Variants in ADCY2 observed in about 807,000 individuals in gnomAD.
ADCY2 encodes the protein adenylate cyclase type 2.
In ADCY2, 31 loss-of-function variants were observed where a neutral mutation model predicts 125.2. The observed-to-expected ratio is 0.25, with a 90% CI of 0.19 to 0.33. The LOEUF (loss-of-function observed/expected upper bound fraction) is 0.33. Among genes scored for constraint, ADCY2 ranks in the 10% least tolerant of loss-of-function variants. The pLI is 1.00. For synonymous variants in ADCY2, 512 were observed against 548.4 expected, an observed-to-expected ratio of 0.93 and a Z score of 0.93; for missense variants, 904 against 1,418.2, an observed-to-expected ratio of 0.64 and a Z score of 5.82.
chr5:7,719,616 C>T (rs773601235), intron 12 of ADCY2, among the ~76,000 whole-genome samples: 4 of 152,324 alleles, frequency 2.6e-5, no homozygotes, highest in Non-Finnish European at 4.4e-5. Context: ...TGTTAAAAGA[C>T]GACTGATGTC....
intron 1 of ADCY2, among the ~76,000 whole-genome samples, chr5:7,399,188 C>G (rs1449838425): frequency 6.6e-6 from 1 of 152,052 alleles, no homozygotes; most frequent in Admixed American, 6.5e-5. Context: ...CTTTTTTTCC[C>G]CCTGAATCTG....
intron 15 of ADCY2, among the ~76,000 whole-genome samples, chr5:7,756,758 A>C (rs1301453691): frequency 6.6e-6 from 1 of 152,238 alleles, no homozygotes; most frequent in Non-Finnish European, 1.5e-5. Flanking sequence ...ATGTTACACA[A>C]CAATGTGAAT....
At chr5:7,692,106 A>T (rs966626158) in intron 5 of ADCY2, 7 of 152,198 alleles carry the variant, frequency 4.6e-5, no homozygotes, top group African/African-American at 1.7e-4. Flanking sequence ...AATCCAAACC[A>T]TATCACTGAG....
intron 20 of ADCY2, among the ~76,000 whole-genome samples, chr5:7,791,368 A>T (rs937940992): frequency 6.6e-6 from 1 of 152,102 alleles, no homozygotes; most frequent in African/African-American, 2.4e-5. Flanking sequence ...CTCAACCTGG[A>T]TGATACCAGA....
In ADCY2 at chr5:7,400,961, A is replaced by C. The variant is rs185805194; in HGVS notation, c.210+4455A>C. ...TTGAAATGTATGATTAAATATATACATGGCACCTTCCTTTCCCATTTTGAA... is the reference window on the plus strand; with the variant it reads ...TTGAAATGTATGATTAAATATATACCTGGCACCTTCCTTTCCCATTTTGAA... On this transcript the variant is annotated intron_variant, in intron 1 of 24. Transcript: ENST00000338316. Among the ~76,000 whole-genome samples the C allele has an allele frequency of 4.1e-4, 63 of 152,362 alleles. No individual in the cohort carries two copies. In the East Asian group the frequency reaches 0.011, roughly 28 times the overall value.
At chr5:7,472,512 C>CAT (rs3033080) in intron 2 of ADCY2, among the ~76,000 whole-genome samples, 1,906 of 151,868 alleles carry the variant, frequency 0.013, 29 homozygotes, top group African/African-American at 0.044. Context: ...GGGAAATATG[C>CAT]ATATATATAT....
At chr5:7,484,623 C>A (rs1379333551) in intron 2 of ADCY2, among the ~76,000 whole-genome samples, 1 of 152,190 alleles carries the variant, frequency 6.6e-6, no homozygotes, top group Non-Finnish European at 1.5e-5. Context: ...ATCTGAAGAG[C>A]TTCCACCACC....
chr5:7,503,583 G>C (rs1561061754), intron 2 of ADCY2, among the ~76,000 whole-genome samples: 5 of 152,172 alleles, frequency 3.3e-5, no homozygotes, highest in Admixed American at 2.6e-4. Flanking sequence ...CCTGCCGTTG[G>C]GGGGATCTGG....
chr5:7,558,394 T>C (rs1459554212), intron 3 of ADCY2, among the ~76,000 whole-genome samples: 1 of 152,190 alleles, frequency 6.6e-6, no homozygotes, highest in Non-Finnish European at 1.5e-5. Context: ...TAGTGTGAGA[T>C]GGTATCTTAT....
At chr5:7,407,965 T>G (rs1739563433) in intron 1 of ADCY2, among the ~76,000 whole-genome samples, 1 of 150,488 alleles carries the variant, frequency 6.6e-6, no homozygotes, top group African/African-American at 2.5e-5. Context: ...GCCTCCTGGG[T>G]TCAAGTGATT....
At chr5:7,812,565 TG>T (rs1744979428) in intron 22 of ADCY2, among the ~76,000 whole-genome samples, 1 of 152,196 alleles carries the variant, frequency 6.6e-6, no homozygotes, top group Non-Finnish European at 1.5e-5. Flanking sequence ...GGATGCAGGC[TG>T]AATGCATTGC....
At chr5:7,665,397 A>G (rs1561153949) in intron 4 of ADCY2, among the ~76,000 whole-genome samples, 1 of 152,024 alleles carries the variant, frequency 6.6e-6, no homozygotes, top group Admixed American at 6.5e-5. Context: ...CAGCAGTGTA[A>G]TTTGTCAGCA....
At chr5:7,641,132 C>G (rs7726187) in intron 4 of ADCY2, among the ~76,000 whole-genome samples, 38,051 of 152,040 alleles carry the variant, frequency 0.25, 6,323 homozygotes, top group Non-Finnish European at 0.37. Context: ...AGTCACAACC[C>G]CTCTTTCAAG....
intron 1 of ADCY2, among the ~76,000 whole-genome samples, chr5:7,407,522 C>T (rs900651926): frequency 6.6e-6 from 1 of 152,058 alleles, no homozygotes; most frequent in Non-Finnish European, 1.5e-5. Flanking sequence ...CACTTTTAAA[C>T]CATCAGATTT....
intron 4 of ADCY2, among the ~76,000 whole-genome samples, chr5:7,664,618 G>T (rs1306489182): frequency 1.3e-5 from 2 of 152,166 alleles, no homozygotes; most frequent in African/African-American, 2.4e-5. Context: ...TAACGAGGAA[G>T]AAAATCAAAA....
intron 18 of ADCY2, among the ~76,000 whole-genome samples, chr5:7,775,801 GT>G (rs1180814348): frequency 5.9e-5 from 9 of 152,206 alleles, no homozygotes; most frequent in Non-Finnish European, 1.2e-4. Flanking sequence ...TTCATCAGAA[GT>G]TCTGGCACTT....
At chr5:7,432,560 C>T (rs36029489) in intron 2 of ADCY2, among the ~76,000 whole-genome samples, 6,087 of 152,272 alleles carry the variant, frequency 0.04, 157 homozygotes, top group South Asian at 0.087. Flanking sequence ...TGCACAGGTT[C>T]GAGTGACTGG....
intron 2 of ADCY2, among the ~76,000 whole-genome samples, chr5:7,494,140 TG>T (rs1309602463): frequency 9.9e-5 from 15 of 152,176 alleles, no homozygotes; most frequent in Admixed American, 2.0e-4. Flanking sequence ...ACATGCACCC[TG>T]CTTTGCTGGC....
At chr5:7,792,897 C>T (rs938571311) in intron 20 of ADCY2, among the ~76,000 whole-genome samples, 22 of 152,216 alleles carry the variant, frequency 1.4e-4, no homozygotes, top group Admixed American at 6.5e-4. Context: ...ATGGTGCCTT[C>T]GCACTGCAGT....
Sources: gnomAD v4.1 joint callset for allele counts (sites outside exome capture counted in the v4.1 genomes callset) on GRCh38, gnomAD v4.1.1 for gene constraint, MANE v1.5 for transcripts, NCBI Gene and HGNC (gene_info 2026-07-23, HGNC 2026-07-21) for gene names.